The following MGMT variants were observed in gnomAD, a reference collection of about 807,000 sequenced individuals.
The protein encoded by MGMT is O-6-methylguanine-DNA methyltransferase.
Under a neutral mutation model 15.9 loss-of-function variants are expected in MGMT, and 14 were observed. The ratio of observed to expected loss-of-function variants is 0.88; its 90% CI spans 0.58 to 1.37. MGMT has a LOEUF of 1.37. Among genes scored for constraint, MGMT ranks in the 40% most tolerant of loss-of-function variants. The probability of loss-of-function intolerance (pLI) is 0.00; values close to 1 mark genes in which losing one functional copy is unlikely to be tolerated. For synonymous variants in MGMT, 130 were observed against 118.2 expected (o/e 1.10, Z -0.65); for missense variants, 282 against 268.1 (o/e 1.05, Z -0.36).
chr10:129,634,504 CCTTCCTTCCTTT>C (rs1278092549), intron 2 of MGMT, among the ~76,000 whole-genome samples: 1 of 151,706 alleles, frequency 6.6e-6, no homozygotes, highest in East Asian at 1.9e-4. Flanking sequence ...CACTGATAAT[CCTTCCTTCCTTT>C]CTTCCTTCCT....
chr10:129,692,860 C>T (rs189807497), intron 2 of MGMT, among the ~76,000 whole-genome samples: 14 of 152,310 alleles, frequency 9.2e-5, no homozygotes, highest in Admixed American at 6.5e-4. Context: ...GAGGGAGCTG[C>T]CACCCTCAGC....
intron 3 of MGMT, among the ~76,000 whole-genome samples, chr10:129,721,819 ATT>A (rs74857366): frequency 0.25 from 38,498 of 152,024 alleles, 5,074 homozygotes; most frequent in Middle Eastern, 0.4. Context: ...TTTTATTAGA[ATT>A]AGCATATTAG....
intron 2 of MGMT, among the ~76,000 whole-genome samples, chr10:129,677,864 C>T (rs1375872327): frequency 6.6e-6 from 1 of 152,124 alleles, no homozygotes; most frequent in African/African-American, 2.4e-5. Context: ...TCCCCACCAG[C>T]AGCACTGCCC....
chr10:129,698,837 T>A (rs1217139339), intron 2 of MGMT, among the ~76,000 whole-genome samples: 2 of 152,352 alleles, frequency 1.3e-5, no homozygotes, highest in African/African-American at 4.8e-5. Flanking sequence ...TAGCATATTG[T>A]ATGCATCTAA....
rs923142874 is a variant in MGMT, at chr10:129,770,760, G to A, written c.*3763G>A. 6.6e-6 allele frequency among the ~76,000 whole-genome samples: 1 copy of A among 152,166 alleles called. No individual in the cohort carries two copies. Among genetic ancestry groups the A allele is most frequent in the Non-Finnish European group, 1.5e-5 (1 of 68,036 alleles). On this transcript the variant is annotated 3_prime_UTR_variant, in exon 5 of 5. Coordinates refer to ENST00000651593, the MANE Select transcript of MGMT (RefSeq NM_002412.5). ...TTTACTGAAAGACCAATCCCGAAAC[G>A]GCCCTTGCTTCGGCCACAGCTGCTG...
chr10:129,503,191 G>A (rs945393390), intron 1 of MGMT, among the ~76,000 whole-genome samples: 5 of 151,894 alleles, frequency 3.3e-5, no homozygotes, highest in African/African-American at 1.2e-4. Context: ...GGATGATGCA[G>A]GAAAGTTTCT....
intron 3 of MGMT, among the ~76,000 whole-genome samples, chr10:129,746,320 T>A (rs1848695931): frequency 6.6e-6 from 1 of 151,890 alleles, no homozygotes; most frequent in Non-Finnish European, 1.5e-5. Context: ...TTTTTTCCCT[T>A]TTTAATGAAG....
rs1848948359 is a variant in MGMT, at chr10:129,767,130, C to T, written c.*133C>T. On this transcript the variant is annotated 3_prime_UTR_variant, in exon 5 of 5. Transcript: ENST00000651593. ...CAAGCGTGTCTGCCCTTTCTGTTTC[C>T]ATATTTTACAGCAGGATGAGTTCAG... The T allele has an allele frequency of 1.3e-6, 1 of 770,756 alleles. No individual in the cohort carries two copies. Among genetic ancestry groups the T allele is most frequent in the Non-Finnish European group, 2.0e-6 (1 of 498,448 alleles). The allele number at this position is 770,756 out of a possible 1,614,324, so 47.7% of individuals were successfully genotyped here. A position where few individuals can be genotyped will look rare whatever the true frequency, so the allele number is the denominator to read the frequency against.
At chr10:129,725,957 C>T (rs540361213) in intron 3 of MGMT, among the ~76,000 whole-genome samples, 3 of 152,320 alleles carry the variant, frequency 2.0e-5, no homozygotes, top group African/African-American at 7.2e-5. Flanking sequence ...TTCCCTTCAT[C>T]TTCCACCAAT....
intron 2 of MGMT, among the ~76,000 whole-genome samples, chr10:129,664,779 T>G (rs1394721953): frequency 1.3e-5 from 2 of 152,138 alleles, no homozygotes; most frequent in African/African-American, 4.8e-5. Flanking sequence ...ATTTTTAAAA[T>G]GGGCAAAACA....
At chr10:129,609,099 G>T (rs1254445857) in intron 2 of MGMT, among the ~76,000 whole-genome samples, 1 of 152,204 alleles carries the variant, frequency 6.6e-6, no homozygotes, top group African/African-American at 2.4e-5. Flanking sequence ...AACAGGTGAT[G>T]CAGGGAGGGG....
chr10:129,726,211 A>G (rs1325105558), intron 3 of MGMT, among the ~76,000 whole-genome samples: 1 of 152,092 alleles, frequency 6.6e-6, no homozygotes, highest in East Asian at 1.9e-4. Context: ...CTGAGCTCCA[A>G]CAGCTGATCC....
At chr10:129,589,525 A>G (rs1846657387) in intron 2 of MGMT, among the ~76,000 whole-genome samples, 1 of 152,254 alleles carries the variant, frequency 6.6e-6, no homozygotes, top group Admixed American at 6.5e-5. Context: ...GGCCTCTACT[A>G]AATATATAAA....
chr10:129,617,345 G>C (rs1332639077), intron 2 of MGMT, among the ~76,000 whole-genome samples: 4 of 152,064 alleles, frequency 2.6e-5, no homozygotes, highest in Non-Finnish European at 5.9e-5. Flanking sequence ...GGGCCTTTAG[G>C]TTTAGTCCAT....
chr10:129,720,255 A>G (rs1411172014), intron 3 of MGMT, among the ~76,000 whole-genome samples: 1 of 152,246 alleles, frequency 6.6e-6, no homozygotes, highest in Non-Finnish European at 1.5e-5. Context: ...CTAGGCCACA[A>G]TAAATGGCTG....
At chr10:129,557,147 A>C (rs1275142185) in intron 2 of MGMT, among the ~76,000 whole-genome samples, 1 of 152,214 alleles carries the variant, frequency 6.6e-6, no homozygotes, top group African/African-American at 2.4e-5. Context: ...GAAGCATCTT[A>C]TCCTACCAAC....
intron 2 of MGMT, among the ~76,000 whole-genome samples, chr10:129,595,593 G>T (rs905762236): frequency 6.6e-6 from 1 of 152,140 alleles, no homozygotes; most frequent in Admixed American, 6.5e-5. Context: ...GACTGGATGC[G>T]TTTATGTGGG....
intron 2 of MGMT, among the ~76,000 whole-genome samples, chr10:129,646,271 C>T (rs1348397381): frequency 6.6e-6 from 1 of 151,878 alleles, no homozygotes; most frequent in Non-Finnish European, 1.5e-5. Flanking sequence ...AAGAAGTAGC[C>T]GAGACATTTC....
At chr10:129,530,653 G>A (rs932477672) in intron 1 of MGMT, among the ~76,000 whole-genome samples, 3 of 152,206 alleles carry the variant, frequency 2.0e-5, no homozygotes, top group South Asian at 2.1e-4. Flanking sequence ...AGGGAGCCTC[G>A]AAATGCAAAC....
Sources: gnomAD v4.1 joint callset for allele counts (sites outside exome capture counted in the v4.1 genomes callset) on GRCh38, gnomAD v4.1.1 for gene constraint, MANE v1.5 for transcripts, NCBI Gene and HGNC (gene_info 2026-07-23, HGNC 2026-07-21) for gene names.